Variants in CCDC33 observed in about 807,000 individuals in gnomAD.
CCDC33 encodes the protein coiled-coil domain containing 33, also known as coiled-coil domain-containing protein 33.
CCDC33 carries 94 observed loss-of-function variants against 91.9 expected under a neutral mutation model. The ratio of observed to expected loss-of-function variants is 1.02; its 90% confidence interval spans 0.87 to 1.21. The LOEUF (loss-of-function observed/expected upper bound fraction) is 1.21, where lower values mean the gene tolerates loss of function less well. Ranked by LOEUF, CCDC33 falls within the 50% of genes most tolerant of loss-of-function variation. The pLI is 0.00. For synonymous variants in CCDC33, 396 were observed against 374.5 expected (o/e 1.06, Z -0.66); for missense variants, 940 against 935.5 (o/e 1.00, Z -0.06).
At chr15:74,243,812 G>A in intron 1 of CCDC33, 173 bp from the exon 2 acceptor site, 1 of 713,786 alleles carries the variant, frequency 1.4e-6, no homozygotes, top group Non-Finnish European at 2.5e-6. Context: ...GGATGTGGTG[G>A]CACATGCCTG....
intron 11 of CCDC33, among the ~76,000 whole-genome samples, chr15:74,308,600 G>C (rs984062961): frequency 6.6e-6 from 1 of 152,106 alleles, no homozygotes; most frequent in African/African-American, 2.4e-5. Flanking sequence ...TCTTCAAGGA[G>C]GGGGGACAGC....
intron 2 of CCDC33, among the ~76,000 whole-genome samples, chr15:74,257,168 A>G (rs1051906038): frequency 2.6e-5 from 4 of 152,294 alleles, no homozygotes; most frequent in Non-Finnish European, 5.9e-5. Flanking sequence ...GGAATTAGTG[A>G]TGCTTCATTA....
upstream of CCDC33, among the ~76,000 whole-genome samples, chr15:74,235,626 G>C (rs1445142169): frequency 6.6e-6 from 1 of 152,070 alleles, no homozygotes; most frequent in African/African-American, 2.4e-5. Context: ...CCAAGGACTA[G>C]TCTCTCTTCA....
intron 9 of CCDC33, 116 bp from the exon 10 acceptor site, chr15:74,281,661 AC>A: frequency 1.1e-6 from 1 of 901,942 alleles, no homozygotes. Context: ...CCTCCCTCCC[AC>A]CCTCCTGGGT....
At chr15:74,307,675 C>T (rs889527198) in intron 11 of CCDC33, among the ~76,000 whole-genome samples, 1 of 151,954 alleles carries the variant, frequency 6.6e-6, no homozygotes, top group Non-Finnish European at 1.5e-5. Flanking sequence ...CACCCCCTGC[C>T]GAGTTCCACC....
intron 11 of CCDC33, among the ~76,000 whole-genome samples, chr15:74,298,424 T>C (rs2059730082): frequency 6.6e-6 from 1 of 152,162 alleles, no homozygotes; most frequent in African/African-American, 2.4e-5. Context: ...TAGAATAACA[T>C]GGGTAGAGGG....
chr15:74,294,873 G>A (rs2059653402), intron 10 of CCDC33, among the ~76,000 whole-genome samples: 1 of 152,218 alleles, frequency 6.6e-6, no homozygotes, highest in South Asian at 2.1e-4. Context: ...GAGACATCAA[G>A]TCATCCTTGG....
chr15:74,269,312 C>A (rs896619374), intron 5 of CCDC33, among the ~76,000 whole-genome samples: 5 of 151,484 alleles, frequency 3.3e-5, no homozygotes, highest in African/African-American at 1.2e-4. Context: ...CTTCCCACCC[C>A]CCTACTTCCC....
At chr15:74,255,395 G>A (rs2075830843) in intron 2 of CCDC33, among the ~76,000 whole-genome samples, 1 of 152,230 alleles carries the variant, frequency 6.6e-6, no homozygotes, top group African/African-American at 2.4e-5. Flanking sequence ...AGCCTGGCCT[G>A]GGAATGCTCA....
chr15:74,309,826 C>T (rs1162994395), intron 11 of CCDC33, among the ~76,000 whole-genome samples: 1 of 152,174 alleles, frequency 6.6e-6, no homozygotes, highest in African/African-American at 2.4e-5. Flanking sequence ...ACAGAACAGC[C>T]TGGACTTTAA....
intron 12 of CCDC33, 90 bp from the exon 13 acceptor site, chr15:74,330,573 C>G (rs1567041128): frequency 3.3e-6 from 4 of 1,208,594 alleles, no homozygotes; most frequent in Non-Finnish European, 4.9e-6. Flanking sequence ...GCCCTCGGGC[C>G]AAGGGATATC....
At chr15:74,295,661 G>A (rs1309544926) in intron 10 of CCDC33, 93 bp from the exon 11 acceptor site, 3 of 1,097,770 alleles carry the variant, frequency 2.7e-6, no homozygotes, top group East Asian at 2.4e-5. Context: ...GAGCCATGAG[G>A]AGGAGAGGCT....
chr15:74,273,309 A>G (rs1463081379), intron 7 of CCDC33, among the ~76,000 whole-genome samples: 1 of 152,248 alleles, frequency 6.6e-6, no homozygotes, highest in Non-Finnish European at 1.5e-5. Flanking sequence ...GTTACAGGTC[A>G]TAAGTACCTA....
Position 74,335,928 on chromosome 15 carries a change from G to T in CCDC33, c.2143G>T (p.Ala715Ser), listed in dbSNP as rs780451970. Residue 715 changes from alanine (A) to serine (S), a missense_variant, in exon 19 of 19, where the codon GCC (alanine) becomes TCC (serine). Coordinates refer to ENST00000398814, the MANE Select transcript of CCDC33 (RefSeq NM_025055.5). ...SNSIIIEQPS[A>S]LTHSMDLKQP... is the part of the protein sequence containing the mutation. ...CACCCCGCTTTGCACACCACAGAGT[G>T]CCCTCACCCACTCCATGGACCTCAA... 6.2e-7 allele frequency: 1 copy of T among 1,613,454 alleles called. No homozygotes were observed. The highest frequency in any genetic ancestry group is 1.1e-5 in the South Asian group (1 of 91,056).
chr15:74,208,186 G>T, intron 1 of CCDC33: 1 of 428,262 alleles, frequency 2.3e-6, no homozygotes, highest in Non-Finnish European at 3.2e-6. Context: ...CCTGGAGGAG[G>T]GAGGCAGATT....
At chr15:74,255,261 G>C (rs929920617) in intron 2 of CCDC33, among the ~76,000 whole-genome samples, 3 of 151,912 alleles carry the variant, frequency 2.0e-5, no homozygotes, top group Admixed American at 1.3e-4. Flanking sequence ...TGTTATCAGG[G>C]AGGAGCTGAG....
chr15:74,207,985 C>T, intron 1 of CCDC33: 1 of 1,417,658 alleles, frequency 7.1e-7, no homozygotes, highest in South Asian at 1.5e-5. Context: ...GTGGGAGGGT[C>T]AGAAGCACCA....
chr15:74,299,985 A>C (rs972385610), intron 11 of CCDC33: 9 of 152,034 alleles, frequency 5.9e-5, no homozygotes, highest in African/African-American at 2.2e-4. Flanking sequence ...GCTCCTACCC[A>C]CTGGCCAGTG....
intron 10 of CCDC33, among the ~76,000 whole-genome samples, chr15:74,283,437 G>A (rs1326930759): frequency 6.6e-6 from 1 of 152,224 alleles, no homozygotes; most frequent in Non-Finnish European, 1.5e-5. Context: ...CAACAGGCAG[G>A]TGGGCAGAAC....
Sources: allele counts gnomAD v4.1 joint callset (sites outside exome capture counted in the v4.1 genomes callset), GRCh38; gene constraint gnomAD v4.1.1; transcripts MANE v1.5; gene names NCBI Gene and HGNC (gene_info 2026-07-23, HGNC 2026-07-21).